The following TWSG1 variants were observed in gnomAD, a reference collection of about 807,000 sequenced individuals.
TWSG1 encodes twisted gastrulation protein homolog 1.
TWSG1 carries 15 observed loss-of-function variants against 23.0 expected under a neutral mutation model. The observed-to-expected ratio is 0.65, with a 90% CI of 0.44 to 1.00. TWSG1 has a LOEUF of 1.00. Among genes scored for constraint, TWSG1 ranks in the 50% least tolerant of loss-of-function variants. The probability of loss-of-function intolerance (pLI) is 0.00; values close to 1 mark genes in which losing one functional copy is unlikely to be tolerated. For synonymous variants in TWSG1, 86 were observed against 92.8 expected, an observed-to-expected ratio of 0.93 and a Z score of 0.42; for missense variants, 242 against 278.7, an observed-to-expected ratio of 0.87 and a Z score of 0.94.
intron 2 of TWSG1, among the ~76,000 whole-genome samples, chr18:9,346,849 G>T (rs2040479507): frequency 6.6e-6 from 1 of 152,174 alleles, no homozygotes. Flanking sequence ...AAATACTAAG[G>T]AGTGTAATTG....
At chr18:9,347,205 T>A (rs188518223) in intron 2 of TWSG1, among the ~76,000 whole-genome samples, 502 of 152,340 alleles carry the variant, frequency 3.3e-3, no homozygotes, top group Admixed American at 5.7e-3. Flanking sequence ...TCTCTGTATG[T>A]ATGTTTTGTA....
At chr18:9,335,099 C>T (rs1269454696) in intron 1 of TWSG1, among the ~76,000 whole-genome samples, 179 bp downstream of exon 1, 1 of 151,910 alleles carries the variant, frequency 6.6e-6, no homozygotes, top group East Asian at 1.9e-4. Context: ...GGCGCACAGG[C>T]CGGACGCCGG....
At chr18:9,367,598 G>A (rs867180536) in intron 3 of TWSG1, among the ~76,000 whole-genome samples, 9 of 152,288 alleles carry the variant, frequency 5.9e-5, no homozygotes, top group African/African-American at 1.9e-4. Flanking sequence ...CCAGGCAAGC[G>A]AGCGTCACCG....
At chr18:9,376,076 A>T (rs1000249062) in intron 3 of TWSG1, among the ~76,000 whole-genome samples, 1 of 152,028 alleles carries the variant, frequency 6.6e-6, no homozygotes, top group African/African-American at 2.4e-5. Flanking sequence ...CACCATGCCC[A>T]GCTAATTTTT....
rs1371107472 is a variant in TWSG1 at position 9,400,683 on chromosome 18, G to A, written c.*1156G>A. On this transcript the variant is annotated 3_prime_UTR_variant, in exon 5 of 5. Transcript: ENST00000262120. ...AACAAGTATAATCATATCGTCGGAG[G>A]TTAAGATTATGAAATTTTAGAATCT... The A allele has an allele frequency of 6.6e-6, 1 of 152,116 alleles. No individual in the cohort carries two copies. Among genetic ancestry groups the A allele is most frequent in the Non-Finnish European group, 1.5e-5 (1 of 68,020 alleles). 9.4% of individuals were successfully genotyped at this position (152,116 alleles called of 1,614,324 possible).
At chr18:9,376,497 C>G (rs2145621107) in intron 3 of TWSG1, among the ~76,000 whole-genome samples, 1 of 152,146 alleles carries the variant, frequency 6.6e-6, no homozygotes, top group Admixed American at 6.5e-5. Context: ...TACGGCTGGC[C>G]CTTTGTATCT....
chr18:9,337,598 T>C (rs2040428732), intron 2 of TWSG1, among the ~76,000 whole-genome samples: 2 of 152,298 alleles, frequency 1.3e-5, no homozygotes, highest in East Asian at 1.9e-4. Context: ...AACATGTCAT[T>C]ACAAGGTGAT....
At chr18:9,347,345 T>G (rs1017294632) in intron 2 of TWSG1, among the ~76,000 whole-genome samples, 3 of 152,242 alleles carry the variant, frequency 2.0e-5, no homozygotes, top group African/African-American at 7.2e-5. Context: ...GCTTATCATT[T>G]ATTTCTTTCA....
intron 4 of TWSG1, among the ~76,000 whole-genome samples, chr18:9,397,272 G>T (rs1416251055): frequency 3.9e-5 from 6 of 152,186 alleles, no homozygotes; most frequent in Non-Finnish European, 8.8e-5. Flanking sequence ...AGTATCCCAT[G>T]AAGTCAGATT....
At chr18:9,345,981 A>T (rs1219600168) in intron 2 of TWSG1, among the ~76,000 whole-genome samples, 2 of 152,312 alleles carry the variant, frequency 1.3e-5, no homozygotes, top group East Asian at 3.9e-4. Flanking sequence ...CAATATTGAT[A>T]TGCTATTATT....
intron 2 of TWSG1, among the ~76,000 whole-genome samples, chr18:9,338,508 C>T (rs985481630): frequency 1.3e-5 from 2 of 152,168 alleles, no homozygotes; most frequent in African/African-American, 2.4e-5. Context: ...TAATTTCAAG[C>T]AAATCCCTTG....
chr18:9,393,660 T>C (rs1019079920), intron 3 of TWSG1, among the ~76,000 whole-genome samples: 2 of 152,150 alleles, frequency 1.3e-5, no homozygotes, highest in Admixed American at 1.3e-4. Flanking sequence ...AGGGCTCAAG[T>C]GATCCTCCCA....
intron 2 of TWSG1, among the ~76,000 whole-genome samples, chr18:9,340,096 C>T (rs1014106455): frequency 7.2e-5 from 11 of 151,902 alleles, no homozygotes; most frequent in Non-Finnish European, 1.2e-4. Context: ...GGGCCGGGCG[C>T]GGTGGCTCAA....
At chr18:9,393,724 A>AT (rs1389522371) in intron 3 of TWSG1, among the ~76,000 whole-genome samples, 1 of 151,936 alleles carries the variant, frequency 6.6e-6, no homozygotes, top group Non-Finnish European at 1.5e-5. Flanking sequence ...TGCTCAGCTA[A>AT]TTTTTTTGTT....
intron 3 of TWSG1, among the ~76,000 whole-genome samples, chr18:9,388,734 T>G (rs1376834229): frequency 6.6e-6 from 1 of 152,208 alleles, no homozygotes; most frequent in Non-Finnish European, 1.5e-5. Flanking sequence ...ATTTGTTTGT[T>G]TTTTAGAGAC....
At chr18:9,389,788 C>G (rs541702592) in intron 3 of TWSG1, among the ~76,000 whole-genome samples, 1 of 152,220 alleles carries the variant, frequency 6.6e-6, no homozygotes, top group African/African-American at 2.4e-5. Context: ...AGATGCGAAA[C>G]AAAAATGAAA....
chr18:9,379,334 A>G (rs1475079325), intron 3 of TWSG1, among the ~76,000 whole-genome samples: 1 of 152,224 alleles, frequency 6.6e-6, no homozygotes, highest in Non-Finnish European at 1.5e-5. Context: ...CTCTGCAGCC[A>G]GAAAAAAGAA....
chr18:9,361,545 C>T (rs1250161686), intron 3 of TWSG1, among the ~76,000 whole-genome samples: 3 of 152,166 alleles, frequency 2.0e-5, no homozygotes, highest in South Asian at 2.1e-4. Flanking sequence ...CCCTCTATTT[C>T]ATGTCTATAG....
chr18:9,375,736 A>G (rs142956605), intron 3 of TWSG1, among the ~76,000 whole-genome samples: 1,824 of 152,336 alleles, frequency 0.012, 43 homozygotes, highest in African/African-American at 0.042. Flanking sequence ...AATACTATTT[A>G]TATTAGCACC....
Sources: allele counts gnomAD v4.1 joint callset (sites outside exome capture counted in the v4.1 genomes callset), GRCh38; gene constraint gnomAD v4.1.1; transcripts MANE v1.5; gene names NCBI Gene and HGNC (gene_info 2026-07-23, HGNC 2026-07-21).